Variants in VCPIP1 observed in about 807,000 individuals in gnomAD.
VCPIP1 encodes valosin containing protein interacting protein 1.
VCPIP1 carries 8 observed loss-of-function variants against 85.0 expected under a neutral mutation model. That is an observed-to-expected ratio of 0.09 (90% CI 0.06 to 0.17). VCPIP1 has a LOEUF of 0.17. VCPIP1 is among the 10% of genes least tolerant of loss of function. The probability of loss-of-function intolerance (pLI) is 1.00; values close to 1 mark genes in which losing one functional copy is unlikely to be tolerated. For synonymous variants in VCPIP1, 543 were observed against 544.5 expected (o/e 1.00, Z 0.04); for missense variants, 1,070 against 1,486.3 (o/e 0.72, Z 4.61).
chr8:66,647,262 A>G (rs914420627), intron 2 of VCPIP1, among the ~76,000 whole-genome samples: 4 of 151,890 alleles, frequency 2.6e-5, no homozygotes, highest in Admixed American at 1.3e-4. Context: ...AATGGCTTGA[A>G]TCTGGGAGGC....
Position 66,666,358 on chromosome 8 carries a change from C to G in VCPIP1, c.601G>C (p.Ala201Pro). ...ATGAGACATTCCTGGCTTTTATTGG[C>G]CCGCTTAATGTCCTCCAGAGTGTCA... ...LHDTLEDIKR[A>P]NKSQECLIPV... Residue 201 changes from alanine to proline, a missense_variant, in exon 1 of 3, where the codon GCC becomes CCC. Physicochemically the swap from Ala to Pro is conservative, Grantham distance 27 (BLOSUM62 -1). This residue lies in a region of VCPIP1 where 118 missense variants were observed against 337.1 expected (regional missense o/e 0.35). Transcript: ENST00000310421. This position sits in a 1 kb window ranked among gnomAD's most constrained non-coding sequence, Gnocchi z 6.3. 1 of 1,614,146 alleles carries G rather than the reference C, an allele frequency of 6.2e-7. No homozygotes were observed. The highest frequency in any genetic ancestry group is 8.5e-7 in the Non-Finnish European group (1 of 1,180,024).
intron 1 of VCPIP1, among the ~76,000 whole-genome samples, chr8:66,660,951 G>A (rs575264592): frequency 1.6e-3 from 245 of 152,018 alleles, no homozygotes; most frequent in Non-Finnish European, 2.8e-3. Context: ...GCTGAGGCAC[G>A]ACAATTGCTT....
chr8:66,635,971 A>C (rs1301872351), intron 2 of VCPIP1, among the ~76,000 whole-genome samples: 1 of 150,700 alleles, frequency 6.6e-6, no homozygotes, highest in Non-Finnish European at 1.5e-5. Flanking sequence ...GCTCATGCAT[A>C]TAATCCCAGC....
chr8:66,650,860 CAAAAAAAAA>C (rs770736039), intron 2 of VCPIP1, among the ~76,000 whole-genome samples: 9 of 13,914 alleles, frequency 6.5e-4, no homozygotes, highest in South Asian at 2.1e-3. Context: ...GACTTCGTCT[CAAAAAAAAA>C]AAAAAAAAAA....
chr8:66,630,391 T>C lies in VCPIP1; in HGVS notation c.*4110A>G, dbSNP rs1036988816. ...TCCAAAAAGTAGACTTTCCAGTTCT[T>C]GGCACTAATTCTTAGTCAAATAAGC... On this transcript the variant is annotated 3_prime_UTR_variant, in exon 3 of 3. Coordinates refer to ENST00000310421, the MANE Select transcript of VCPIP1 (RefSeq NM_025054.5). 3.9e-5 allele frequency: 6 copies of C among 152,652 alleles called. No individual in the cohort carries two copies. Among genetic ancestry groups the C allele is most frequent in the African/African-American group, 1.4e-4 (6 of 41,464 alleles). The allele number at this position is 152,652 out of a possible 1,614,324, so 9.5% of individuals were successfully genotyped here. A position where few individuals can be genotyped will look rare whatever the true frequency, so the allele number is the denominator to read the frequency against.
chr8:66,653,514 C>T (rs1317489592), intron 1 of VCPIP1: 2 of 152,160 alleles, frequency 1.3e-5, no homozygotes, highest in African/African-American at 2.4e-5. Flanking sequence ...TGTTCAGTTA[C>T]AGTTGGAACT....
intron 1 of VCPIP1, among the ~76,000 whole-genome samples, chr8:66,662,798 C>T (rs1278901696): frequency 6.6e-6 from 1 of 151,866 alleles, no homozygotes; most frequent in Non-Finnish European, 1.5e-5. Flanking sequence ...TCTCCTGCCT[C>T]AGCCTCCAGA....
In VCPIP1 at chr8:66,630,395, A is replaced by G. The variant is rs1454670719; in HGVS notation, c.*4106T>C. ...AAAAGTAGACTTTCCAGTTCTTGGC[A>G]CTAATTCTTAGTCAAATAAGCCTGA... is the stretch of plus-strand genomic sequence containing the variant. On this transcript the variant is annotated 3_prime_UTR_variant, in exon 3 of 3. Transcript: ENST00000310421. The G allele has an allele frequency of 6.6e-6, 1 of 152,612 alleles. No individual in the cohort carries two copies. Among genetic ancestry groups the G allele is most frequent in the Non-Finnish European group, 1.5e-5 (1 of 68,022 alleles). 9.5% of individuals were successfully genotyped at this position (152,612 alleles called of 1,614,324 possible).
At chr8:66,638,480 C>CA (rs34135306) in intron 2 of VCPIP1, among the ~76,000 whole-genome samples, 107,567 of 118,720 alleles carry the variant, frequency 0.91, 49,618 homozygotes, top group Middle Eastern at 0.99. Context: ...AACCCCATCT[C>CA]AAAAAAAAAA....
chr8:66,638,645 G>T lies in VCPIP1; in HGVS notation c.2798-3273C>A, dbSNP rs555533538. On this transcript the variant is annotated intron_variant, in intron 2 of 2. Transcript: ENST00000310421. ...ACACAAAAAATTAGCCAGGCGTGGTGGCGGGCGCCTGGAGTCCCAGCTACT... is the reference window on the plus strand; with the variant it reads ...ACACAAAAAATTAGCCAGGCGTGGTTGCGGGCGCCTGGAGTCCCAGCTACT... Among the ~76,000 whole-genome samples, 4 of 152,184 alleles carry T rather than the reference G, an allele frequency of 2.6e-5. No individual in the cohort carries two copies. The South Asian group carries it at 8.3e-4, about 32-fold the overall frequency.
intron 1 of VCPIP1, among the ~76,000 whole-genome samples, chr8:66,661,090 A>G (rs1217298125): frequency 6.6e-6 from 1 of 152,218 alleles, no homozygotes; most frequent in Non-Finnish European, 1.5e-5. Flanking sequence ...AGCGAACTAG[A>G]GGAAGAAAAC....
intron 2 of VCPIP1, among the ~76,000 whole-genome samples, chr8:66,643,824 A>C (rs1040165723): frequency 6.6e-6 from 1 of 150,786 alleles, no homozygotes; most frequent in Non-Finnish European, 1.5e-5. Flanking sequence ...AATAACAAAC[A>C]AAAAAAACCC....
chr8:66,656,632 CAG>C (rs1253615034), intron 1 of VCPIP1, among the ~76,000 whole-genome samples: 5 of 151,670 alleles, frequency 3.3e-5, no homozygotes, highest in Admixed American at 2.6e-4. Context: ...ATTTTTGAGA[CAG>C]AGTCTTGCTC....
intron 2 of VCPIP1, among the ~76,000 whole-genome samples, chr8:66,646,582 G>C (rs1335786098): frequency 2.0e-5 from 3 of 151,850 alleles, no homozygotes; most frequent in Admixed American, 2.0e-4. Context: ...GATCACTTGA[G>C]GTCAGGAGTT....
chr8:66,648,866 C>G (rs1811023834), intron 2 of VCPIP1, among the ~76,000 whole-genome samples: 1 of 152,010 alleles, frequency 6.6e-6, no homozygotes, highest in Non-Finnish European at 1.5e-5. Flanking sequence ...CCCAGTAAAA[C>G]TTTTAAGTAT....
Position 66,634,821 on chromosome 8 carries a change from G to A in VCPIP1, c.3349C>T (p.Gln1117Ter). Residue 1117 changes from glutamine (Q) to a stop codon, truncating the protein, a stop_gained, in exon 3 of 3, where the codon CAG becomes TAG. Transcript: ENST00000310421. LOFTEE classifies it high-confidence loss of function. ...CGAAGGTGCCTGTCCATTGAAGCCT[G>A]AATAGAAGAAACCATTTCCTGCAAT... ...KKLQEMVSSI[Q>*]ASMDRHLRDQ... 1 of 1,614,198 alleles carries A rather than the reference G, an allele frequency of 6.2e-7. No homozygotes were observed.
At chr8:66,650,566 T>C (rs967964080) in intron 2 of VCPIP1, among the ~76,000 whole-genome samples, 1 of 152,158 alleles carries the variant, frequency 6.6e-6, no homozygotes, top group East Asian at 1.9e-4. Flanking sequence ...AAACAATGTA[T>C]GCACAATGTG....
Position 66,666,765 on chromosome 8 carries a change from G to A in VCPIP1, c.194C>T (p.Ser65Phe). ...GCACTCGGTACACTCGATGCTGACAGAACCGGAGGCCGGGAAAAATAGACG... is the reference window on the plus strand; with the variant it reads ...GCACTCGGTACACTCGATGCTGACAAAACCGGAGGCCGGGAAAAATAGACG... ...QARLFFPASGSVSIECTECGQ... is the reference protein window; with the variant it reads ...QARLFFPASGFVSIECTECGQ... The change falls in exon 1 of 3, where the codon TCT (serine) becomes TTT (phenylalanine). Residue 65 changes from serine (S) to phenylalanine (F), a missense_variant. Ser to Phe is a radical substitution (Grantham distance 155). Transcript: ENST00000310421. The surrounding 1 kb of genome is among the most constrained non-coding windows in gnomAD (Gnocchi z 6.3). 1 of 1,613,776 alleles carries A rather than the reference G, an allele frequency of 6.2e-7. No individual in the cohort carries two copies. The highest frequency in any genetic ancestry group is 8.5e-7 in the Non-Finnish European group (1 of 1,179,698).
At chr8:66,659,760 A>G (rs1039868014) in intron 1 of VCPIP1, among the ~76,000 whole-genome samples, 7 of 151,966 alleles carry the variant, frequency 4.6e-5, no homozygotes, top group Non-Finnish European at 8.8e-5. Flanking sequence ...GCGAAACCCC[A>G]TCTCTACTAA....
Sources: gnomAD v4.1 joint callset for allele counts (sites outside exome capture counted in the v4.1 genomes callset) on GRCh38, gnomAD v4.1.1 for gene constraint, gnomAD v4.1.1 regional missense constraint, Gnocchi (gnomAD v3.1) non-coding constraint, MANE v1.5 for transcripts, NCBI Gene and HGNC (gene_info 2026-07-23, HGNC 2026-07-21) for gene names.